The following ANO6 variants were observed in gnomAD, a reference collection of about 807,000 sequenced individuals.
ANO6 encodes anoctamin-6.
Under a neutral mutation model 117.5 loss-of-function variants are expected in ANO6, and 106 were observed. The observed-to-expected ratio is 0.90, with a 90% CI of 0.77 to 1.06. The LOEUF is 1.06. Ranked by LOEUF, ANO6 falls within the 50% of genes least tolerant of loss-of-function variation. ANO6 has a pLI of 0.00. For missense variants in ANO6, 955 were observed against 1,121.1 expected (o/e 0.85, Z 2.12); for synonymous variants, 367 against 385.1 (o/e 0.95, Z 0.55).
chr12:45,247,907 C>T (rs1211610835), intron 1 of ANO6, among the ~76,000 whole-genome samples: 1 of 152,164 alleles, frequency 6.6e-6, no homozygotes, highest in African/African-American at 2.4e-5. Flanking sequence ...CAGTTCAGTT[C>T]ATAGCATCTA....
intron 1 of ANO6, among the ~76,000 whole-genome samples, chr12:45,267,528 G>A (rs1460618345): frequency 3.3e-5 from 5 of 151,880 alleles, no homozygotes; most frequent in Admixed American, 1.3e-4. Context: ...GGTGGCTCAC[G>A]CCTATAATCC....
chr12:45,300,373 C>A (rs2137302081), intron 1 of ANO6, among the ~76,000 whole-genome samples: 1 of 152,172 alleles, frequency 6.6e-6, no homozygotes, highest in East Asian at 1.9e-4. Context: ...GTAAAGATGT[C>A]TAACCATGTT....
intron 2 of ANO6, among the ~76,000 whole-genome samples, chr12:45,322,324 A>G (rs1940307489): frequency 8.1e-6 from 1 of 123,486 alleles, no homozygotes; most frequent in African/African-American, 2.9e-5. Context: ...AGAGGATTTC[A>G]GGACAGAGAA....
chr12:45,226,609 G>T (rs918098397), intron 1 of ANO6, among the ~76,000 whole-genome samples: 1 of 152,006 alleles, frequency 6.6e-6, no homozygotes. Context: ...TTATATAATT[G>T]AATTTTTTGT....
intron 10 of ANO6, among the ~76,000 whole-genome samples, chr12:45,386,309 A>AG (rs1380732302): frequency 6.6e-6 from 1 of 152,222 alleles, no homozygotes; most frequent in Non-Finnish European, 1.5e-5. Context: ...CCTATGTTGT[A>AG]GACTTTTACC....
In ANO6 at chr12:45,401,816, G is replaced by A. The variant is rs1942795890; in HGVS notation, c.1408G>A (p.Val470Ile). 1 of 1,613,430 alleles carries A rather than the reference G, an allele frequency of 6.2e-7. No individual in the cohort carries two copies. Among genetic ancestry groups the A allele is most frequent in the Non-Finnish European group, 8.5e-7 (1 of 1,179,884 alleles). ...TCAGATCCTATTGATCATCGCTTCA[G>A]TTATTGGGATCATTGTCTATAGGCT... ...FFWILLIIAS[V>I]IGIIVYRLSV... Residue 470 changes from valine (V) to isoleucine (I), a missense_variant, in exon 13 of 20, where the codon GTT becomes ATT. Physicochemically the swap from Val to Ile is conservative, Grantham distance 29. Coordinates refer to ENST00000320560, the MANE Select transcript of ANO6 (RefSeq NM_001025356.3).
At position 45,221,399 on chromosome 12, in the gene ANO6, T is replaced by C. The variant is rs113195270; in HGVS notation, c.70+5008T>C. 4.5e-4 allele frequency among the ~76,000 whole-genome samples: 68 copies of C among 151,970 alleles called. 1 individual carries two copies. The highest frequency in any genetic ancestry group is 1.6e-3 in the African/African-American group (68 of 41,440). The stretch of plus-strand genomic sequence containing the variant: ...GTCAGATGCTGAAAGACTAGGAAAA[T>C]GTAGTGCAGAGATGGCCGGAGGAGA... On this transcript the variant is annotated intron_variant, in intron 1 of 19. Transcript: ENST00000320560.
At chr12:45,347,885 C>A in intron 4 of ANO6, 143 bp from the exon 5 acceptor site, 1 of 779,534 alleles carries the variant, frequency 1.3e-6, no homozygotes, top group Non-Finnish European at 2.0e-6. Flanking sequence ...GTTTGCAAAT[C>A]TGTTTTTATT....
intron 1 of ANO6, among the ~76,000 whole-genome samples, chr12:45,223,641 C>T (rs570119735): frequency 9.2e-5 from 14 of 152,170 alleles, no homozygotes; most frequent in South Asian, 6.2e-4. Flanking sequence ...ATTATCTTTG[C>T]GTTTATCATT....
intron 1 of ANO6, among the ~76,000 whole-genome samples, chr12:45,299,985 A>C (rs1939427077): frequency 6.6e-6 from 1 of 152,228 alleles, no homozygotes; most frequent in Non-Finnish European, 1.5e-5. Context: ...GTAAACAATC[A>C]CATAGAGATC....
chr12:45,245,392 T>C (rs1363570347), intron 1 of ANO6, among the ~76,000 whole-genome samples: 2 of 151,942 alleles, frequency 1.3e-5, no homozygotes, highest in Non-Finnish European at 2.9e-5. Flanking sequence ...ACATTTTCTA[T>C]TTTTCTGTCT....
chr12:45,377,430 G>T (rs1942058034), intron 9 of ANO6, among the ~76,000 whole-genome samples: 1 of 152,104 alleles, frequency 6.6e-6, no homozygotes. Context: ...CATGATCATT[G>T]TATTCATTGT....
At chr12:45,224,556 C>T (rs1408351376) in intron 1 of ANO6, among the ~76,000 whole-genome samples, 1 of 152,162 alleles carries the variant, frequency 6.6e-6, no homozygotes, top group East Asian at 1.9e-4. Context: ...TTTTCAGTTT[C>T]AAGTCCACAG....
At chr12:45,311,690 A>G (rs1939855821) in intron 2 of ANO6, among the ~76,000 whole-genome samples, 1 of 152,092 alleles carries the variant, frequency 6.6e-6, no homozygotes, top group South Asian at 2.1e-4. Flanking sequence ...TGTCATAATT[A>G]AAATACCTCA....
At chr12:45,360,828 G>A (rs1415777064) in intron 8 of ANO6, among the ~76,000 whole-genome samples, 2 of 152,128 alleles carry the variant, frequency 1.3e-5, no homozygotes, top group East Asian at 1.9e-4. Flanking sequence ...TACCAGCACC[G>A]TTTTTGAAAA....
At chr12:45,301,918 A>C in intron 1 of ANO6, 96 bp from the exon 2 acceptor site, 1 of 1,002,918 alleles carries the variant, frequency 1.0e-6, no homozygotes, top group South Asian at 1.3e-5. Context: ...TGTGCTACCA[A>C]TGTTAATAAC....
In ANO6 at chr12:45,431,226, A is replaced by G; in HGVS notation, c.*1915A>G. ...TGGAGAAATGAATTTCTTCCCACTGAAGGAAACTCTTTCTCATTCGCAGCC... is the reference window on the plus strand; with the variant it reads ...TGGAGAAATGAATTTCTTCCCACTGGAGGAAACTCTTTCTCATTCGCAGCC... On this transcript the variant is annotated 3_prime_UTR_variant, in exon 20 of 20. Coordinates refer to ENST00000320560, the MANE Select transcript of ANO6 (RefSeq NM_001025356.3). 1.0e-6 allele frequency: 1 copy of G among 985,316 alleles called. No homozygotes were observed. Among genetic ancestry groups the G allele is most frequent in the Non-Finnish European group, 1.2e-6 (1 of 829,918 alleles). The allele number at this position is 985,316 out of a possible 1,614,324, so 61.0% of individuals were successfully genotyped here.
Position 45,416,921 on chromosome 12 carries a change from T to C in ANO6, c.2217+17T>C, listed in dbSNP as rs775798339. 2.5e-6 allele frequency: 4 copies of C among 1,613,044 alleles called. No individual in the cohort carries two copies. In the African/African-American group the frequency reaches 5.3e-5, roughly 22 times the overall value. On this transcript the variant is annotated intron_variant, in intron 17 of 19. Coordinates refer to ENST00000320560, the MANE Select transcript of ANO6 (RefSeq NM_001025356.3). Reference sequence around the variant, plus strand: ...GTGACCAATGTGAGTAGACCTAAGCTTTACAGAGTAAAGACCTTGAAGATG... The same window carrying C: ...GTGACCAATGTGAGTAGACCTAAGCCTTACAGAGTAAAGACCTTGAAGATG...
chr12:45,236,913 T>A (rs1414708120), intron 1 of ANO6, among the ~76,000 whole-genome samples: 1 of 152,216 alleles, frequency 6.6e-6, no homozygotes, highest in Non-Finnish European at 1.5e-5. Context: ...TTTTTAATGA[T>A]CGCCATTCTA....
Sources: gnomAD v4.1 joint callset for allele counts (sites outside exome capture counted in the v4.1 genomes callset) on GRCh38, gnomAD v4.1.1 for gene constraint, MANE v1.5 for transcripts, NCBI Gene and HGNC (gene_info 2026-07-23, HGNC 2026-07-21) for gene names.